Variants in GAN observed in about 807,000 individuals in gnomAD.
GAN encodes gigaxonin.
GAN carries 48 observed loss-of-function variants against 71.3 expected under a neutral mutation model. That is an observed-to-expected ratio of 0.67 (90% CI 0.53 to 0.86). GAN has a LOEUF of 0.86. Ranked by LOEUF, GAN falls within the 40% of genes least tolerant of loss-of-function variation. GAN has a pLI of 0.00. For missense variants in GAN, 928 were observed against 770.1 expected, an observed-to-expected ratio of 1.21 and a Z score of -2.43; for synonymous variants, 386 against 276.8, an observed-to-expected ratio of 1.39 and a Z score of -3.92.
In GAN at chr16:81,349,110, A is replaced by G. The variant is rs571040301; in HGVS notation, c.168-2473A>G. ...CTCTACAGGGAAGATGTGTATCCAC[A>G]TGGAAGGAGAATCCGGAAATTCAAC... On this transcript the variant is annotated intron_variant, in intron 1 of 10. Transcript: ENST00000648994. 1.9e-4 allele frequency among the ~76,000 whole-genome samples: 29 copies of G among 152,278 alleles called. No individual in the cohort carries two copies. The East Asian group carries it at 3.9e-3, about 20-fold the overall frequency.
At position 81,334,583 on chromosome 16, in the gene GAN, C is replaced by T. The variant is rs1337827920; in HGVS notation, c.168-17000C>T. On this transcript the variant is annotated intron_variant, in intron 1 of 10. Transcript: ENST00000648994. Reference sequence around the variant, plus strand: ...CCAGCCCTAGAGTCCGGTTCCCATTCGGATTATTGCACTGGGGACAATAGT... The same window carrying T: ...CCAGCCCTAGAGTCCGGTTCCCATTTGGATTATTGCACTGGGGACAATAGT... 2.6e-5 allele frequency among the ~76,000 whole-genome samples: 4 copies of T among 152,104 alleles called. 1 individual carries two copies. The highest frequency in any genetic ancestry group is 2.6e-4 in the Admixed American group (4 of 15,274).
chr16:81,342,621 C>G (rs1189800826), intron 1 of GAN, among the ~76,000 whole-genome samples: 2 of 152,188 alleles, frequency 1.3e-5, no homozygotes, highest in Non-Finnish European at 2.9e-5. Flanking sequence ...CTTTGGGACA[C>G]ATTTCAAGCA....
chr16:81,378,087 G>T lies in GAN; in HGVS notation c.*491G>T, dbSNP rs1904288409. On this transcript the variant is annotated 3_prime_UTR_variant, in exon 11 of 11. Coordinates refer to ENST00000648994, the MANE Select transcript of GAN (RefSeq NM_022041.4). ...GCCTAACCCTGCCCAACAAATTAAG[G>T]TTTGTGCCTAAAATGTTAGATTGGA... The T allele has an allele frequency of 5.3e-6, 1 of 187,942 alleles. No homozygotes were observed. Among genetic ancestry groups the T allele is most frequent in the Non-Finnish European group, 1.1e-5 (1 of 88,270 alleles). The allele number at this position is 187,942 out of a possible 1,614,324, so 11.6% of individuals were successfully genotyped here.
intron 1 of GAN, among the ~76,000 whole-genome samples, chr16:81,315,488 C>T (rs561906570): frequency 6.6e-6 from 1 of 152,052 alleles, no homozygotes; most frequent in Admixed American, 6.5e-5. Flanking sequence ...GCTTCCAGGC[C>T]CGCGCTCCCC....
chr16:81,337,706 C>A (rs1343736339), intron 1 of GAN, among the ~76,000 whole-genome samples: 3 of 152,152 alleles, frequency 2.0e-5, no homozygotes, highest in Non-Finnish European at 1.5e-5. Flanking sequence ...TAGCTAGTAG[C>A]CAACGACTTT....
chr16:81,335,304 T>C (rs1461906282), intron 1 of GAN, among the ~76,000 whole-genome samples: 1 of 152,114 alleles, frequency 6.6e-6, no homozygotes, highest in Non-Finnish European at 1.5e-5. Context: ...GAAGGTCGAC[T>C]GGGGAACTAC....
At chr16:81,359,030 G>A (rs1910582907) in intron 5 of GAN, among the ~76,000 whole-genome samples, 1 of 152,184 alleles carries the variant, frequency 6.6e-6, no homozygotes, top group Non-Finnish European at 1.5e-5. Flanking sequence ...CTGTACCACA[G>A]TGCATCATAC....
At chr16:81,323,803 G>T (rs1247706746) in intron 1 of GAN, among the ~76,000 whole-genome samples, 5 of 152,076 alleles carry the variant, frequency 3.3e-5, no homozygotes, top group Admixed American at 3.3e-4. Context: ...AGAGGATTGC[G>T]CCCTCCAGGA....
At position 81,363,951 on chromosome 16, in the gene GAN, C is replaced by T. The variant is rs771940545; in HGVS notation, c.1236+8C>T. 6.2e-7 allele frequency: 1 copy of T among 1,608,902 alleles called. No homozygotes were observed. Among genetic ancestry groups the T allele is most frequent in the Non-Finnish European group, 8.5e-7 (1 of 1,175,262 alleles). On this transcript the variant is annotated splice_region_variant and intron_variant, in intron 7 of 10. Transcript: ENST00000648994. ...TTGACCATGGTCAGAAAGGTGAGGA[C>T]TGCATTTTGTGATAACTAGTCTGTG...
intron 1 of GAN, among the ~76,000 whole-genome samples, chr16:81,334,741 C>T: frequency 6.6e-6 from 1 of 152,172 alleles, no homozygotes; most frequent in South Asian, 2.1e-4. Flanking sequence ...TGCAGAAAAG[C>T]TCACAACCAC....
chr16:81,365,210 C>T, intron 8 of GAN, 100 bp downstream of exon 8: 2 of 1,563,446 alleles, frequency 1.3e-6, no homozygotes, highest in Non-Finnish European at 1.8e-6. Context: ...TCAGAGTAAC[C>T]TTTTCTTTGA....
chr16:81,374,762 A>G (rs902271209), intron 9 of GAN, among the ~76,000 whole-genome samples: 1 of 152,190 alleles, frequency 6.6e-6, no homozygotes, highest in East Asian at 1.9e-4. Flanking sequence ...CCCCTCTTGT[A>G]TTTTCTCTGC....
chr16:81,331,892 G>A (rs1909589957), intron 1 of GAN, among the ~76,000 whole-genome samples: 2 of 152,260 alleles, frequency 1.3e-5, no homozygotes, highest in African/African-American at 4.8e-5. Flanking sequence ...GCCGGGCGTG[G>A]TGGCTCATGC....
chr16:81,354,608 A>T lies in GAN; in HGVS notation c.486A>T (p.Arg162=). 14 of 1,614,050 alleles carry T rather than the reference A, an allele frequency of 8.7e-6. No individual in the cohort carries two copies. The highest frequency in any genetic ancestry group is 1.1e-5 in the Non-Finnish European group (13 of 1,179,886). Residue 162 remains arginine (R), a synonymous_variant, in exon 3 of 11, where the codon CGA becomes CGT. Coordinates refer to ENST00000648994, the MANE Select transcript of GAN (RefSeq NM_022041.4). ...LATEYLETHF[R]DVSSTEEFLE... is the part of the protein sequence containing the mutation. ...CAGAATACCTGGAGACTCATTTCCGAGACGTCAGCAGCACGGAAGAATTCT... is the reference window on the plus strand; with the variant it reads ...CAGAATACCTGGAGACTCATTTCCGTGACGTCAGCAGCACGGAAGAATTCT...
intron 1 of GAN, among the ~76,000 whole-genome samples, chr16:81,316,836 G>A (rs6564866): frequency 0.89 from 136,137 of 152,192 alleles, 61,276 homozygotes; most frequent in Middle Eastern, 0.95. Flanking sequence ...CCCAACCACA[G>A]TGTGACCTCA....
rs143179676 is a variant in GAN at position 81,377,480 on chromosome 16, C to T, written c.1678C>T (p.Leu560Phe). The change falls in exon 11 of 11, where the codon CTC (leucine) becomes TTC (phenylalanine). Residue 560 changes from leucine (L) to phenylalanine (F), a missense_variant. Coordinates refer to ENST00000648994, the MANE Select transcript of GAN (RefSeq NM_022041.4). ...AGGAACCTGGCACCACACTAAACCA[C>T]TCCTTCCATCCGACCTTCGCCGTAC... is the stretch of plus-strand genomic sequence containing the variant. ...STGTWHHTKPLLPSDLRRTGC... is the reference protein window; with the variant it reads ...STGTWHHTKPFLPSDLRRTGC... The T allele has an allele frequency of 5.3e-5, 86 of 1,613,966 alleles. No individual in the cohort carries two copies. The highest frequency in any genetic ancestry group is 7.0e-5 in the Non-Finnish European group (83 of 1,179,934).
chr16:81,345,113 C>G lies in GAN; in HGVS notation c.168-6470C>G, dbSNP rs145895413. Among the ~76,000 whole-genome samples the G allele has an allele frequency of 6.0e-3, 911 of 152,160 alleles. 6 individuals are homozygous for G. The highest frequency in any genetic ancestry group is 0.021 in the African/African-American group (869 of 41,508). On this transcript the variant is annotated intron_variant, in intron 1 of 10. Transcript: ENST00000648994. ...AAGTCAGGAAAAAACCGATGCTGGA[C>G]AAGTTGTGGAAAAATAGGAACACTT...
intron 7 of GAN, 50 bp from the exon 8 acceptor site, chr16:81,364,924 A>C (rs976804459): frequency 6.3e-7 from 1 of 1,587,598 alleles, no homozygotes; most frequent in African/African-American, 1.3e-5. Flanking sequence ...TGTTCACCTG[A>C]CCTGAATGAG....
chr16:81,375,727 A>C (rs1047515421), intron 9 of GAN, among the ~76,000 whole-genome samples: 12 of 152,058 alleles, frequency 7.9e-5, no homozygotes, highest in African/African-American at 2.9e-4. Flanking sequence ...GTACTTTAGG[A>C]GGCCAAGACA....
Sources: allele counts gnomAD v4.1 joint callset (sites outside exome capture counted in the v4.1 genomes callset), GRCh38; gene constraint gnomAD v4.1.1; transcripts MANE v1.5; gene names NCBI Gene and HGNC (gene_info 2026-07-23, HGNC 2026-07-21).